Variants in RANGAP1 observed in about 807,000 individuals in gnomAD.
The protein encoded by RANGAP1 is ran GTPase-activating protein 1.
RANGAP1 carries 38 observed loss-of-function variants against 63.5 expected under a neutral mutation model. The ratio of observed to expected loss-of-function variants is 0.60; its 90% CI spans 0.46 to 0.78. RANGAP1 has a LOEUF of 0.78. Among genes scored for constraint, RANGAP1 ranks in the 30% least tolerant of loss-of-function variants. The pLI, the probability that RANGAP1 is intolerant of heterozygous loss-of-function variation, is 0.00. For missense variants in RANGAP1, 630 were observed against 740.3 expected (o/e 0.85, Z 1.73); for synonymous variants, 329 against 310.5 (o/e 1.06, Z -0.63).
At chr22:41,268,038 C>T in intron 4 of RANGAP1, 59 bp downstream of exon 4, 2 of 1,435,944 alleles carry the variant, frequency 1.4e-6, no homozygotes, top group Non-Finnish European at 1.9e-6. Context: ...TGAGAAAAGC[C>T]CTGGGAATTG....
At chr22:41,283,137 A>C (rs763744979) in intron 1 of RANGAP1, among the ~76,000 whole-genome samples, 1 of 151,046 alleles carries the variant, frequency 6.6e-6, no homozygotes, top group Non-Finnish European at 1.5e-5. Context: ...GCAGTATAGC[A>C]GTAAAGGAAG....
At chr22:41,277,435 C>G in intron 2 of RANGAP1, 1 of 1,182,202 alleles carries the variant, frequency 8.5e-7, no homozygotes. Flanking sequence ...CTATAATAAA[C>G]CTGCATTAAT....
At chr22:41,275,818 C>A (rs2035108520) in intron 2 of RANGAP1, among the ~76,000 whole-genome samples, 1 of 150,756 alleles carries the variant, frequency 6.6e-6, no homozygotes, top group African/African-American at 2.4e-5. Flanking sequence ...TGGTGGCGTG[C>A]ACCTGTAGTC....
At chr22:41,256,912 C>T in intron 7 of RANGAP1, 88 bp from the exon 8 acceptor site, 1 of 915,036 alleles carries the variant, frequency 1.1e-6, no homozygotes, top group African/African-American at 1.6e-5. Context: ...CGGTCACATC[C>T]CAAGCCAGCC....
upstream of RANGAP1, among the ~76,000 whole-genome samples, chr22:41,286,582 G>A (rs527681282): frequency 6.6e-6 from 1 of 152,338 alleles, no homozygotes; most frequent in African/African-American, 2.4e-5. Flanking sequence ...TGGGTCTCTT[G>A]GGCAAGACAC....
chr22:41,291,338 C>G, the RANGAP1 span, among the ~76,000 whole-genome samples: 2 of 152,178 alleles, frequency 1.3e-5, no homozygotes, highest in Non-Finnish European at 2.9e-5. Flanking sequence ...TGGCTCCCGC[C>G]TGTAATCCCA....
upstream of RANGAP1, among the ~76,000 whole-genome samples, chr22:41,287,720 C>T (rs1321409170): frequency 1.3e-5 from 2 of 151,430 alleles, no homozygotes; most frequent in Non-Finnish European, 2.9e-5. Flanking sequence ...GGCGCAGTGG[C>T]TCACACCTGT....
chr22:41,267,897 C>A (rs2034575592), intron 4 of RANGAP1, among the ~76,000 whole-genome samples, 200 bp downstream of exon 4: 2 of 152,170 alleles, frequency 1.3e-5, no homozygotes, highest in African/African-American at 4.8e-5. Context: ...AGGGTTCCTC[C>A]CCTGTCAGTC....
chr22:41,296,466 G>A, the RANGAP1 span, among the ~76,000 whole-genome samples: 3 of 152,060 alleles, frequency 2.0e-5, no homozygotes, highest in Non-Finnish European at 4.4e-5. Flanking sequence ...GGCCAACATG[G>A]TGAAACCCCA....
intron 15 of RANGAP1, among the ~76,000 whole-genome samples, chr22:41,247,605 G>A (rs2033135296): frequency 6.6e-6 from 1 of 152,238 alleles, no homozygotes; most frequent in South Asian, 2.1e-4. Flanking sequence ...AGTTGCCTCA[G>A]CTTCCCAAAG....
chr22:41,289,199 C>T (rs2035808152), upstream of RANGAP1, among the ~76,000 whole-genome samples: 1 of 151,878 alleles, frequency 6.6e-6, no homozygotes, highest in South Asian at 2.1e-4. Flanking sequence ...GAGTACAGTA[C>T]AGGCGTGAGC....
chr22:41,247,504 A>G (rs907450852), intron 15 of RANGAP1, among the ~76,000 whole-genome samples: 2 of 151,988 alleles, frequency 1.3e-5, no homozygotes, highest in African/African-American at 4.8e-5. Flanking sequence ...GGTACACACC[A>G]CCACACCCGG....
intron 10 of RANGAP1, among the ~76,000 whole-genome samples, chr22:41,255,740 A>G (rs527793721): frequency 4.7e-4 from 71 of 151,992 alleles, no homozygotes; most frequent in Non-Finnish European, 9.0e-4. Flanking sequence ...TGCCTAGTGT[A>G]TGACCTAGTA....
intron 15 of RANGAP1, 27 bp from the exon 16 acceptor site, chr22:41,246,699 C>T (rs747835454): frequency 2.6e-6 from 4 of 1,523,162 alleles, no homozygotes; most frequent in East Asian, 2.4e-5. Context: ...GTCAGCAGGT[C>T]GGTGGATGCC....
chr22:41,266,355 G>A (rs1305283044), intron 4 of RANGAP1, among the ~76,000 whole-genome samples: 1 of 152,138 alleles, frequency 6.6e-6, no homozygotes, highest in African/African-American at 2.4e-5. Flanking sequence ...GGAACATAGA[G>A]ATAAGAATAC....
In RANGAP1 at chr22:41,264,792, C is replaced by G; in HGVS notation, c.352G>C (p.Asp118His). 6.2e-7 allele frequency: 1 copy of G among 1,613,682 alleles called. No individual in the cohort carries two copies. Among genetic ancestry groups the G allele is most frequent in the South Asian group, 1.1e-5 (1 of 91,084 alleles). ...ITAGAQLVEL[D>H]LSDNAFGPDG... ...GGCCCGAATGCGTTGTCGCTTAAGT[C>G]CAGCTCCACCAGCTGAGCCCCAGCT... Residue 118 changes from aspartate (D) to histidine (H), a missense_variant, in exon 5 of 16, where the codon GAC becomes CAC. By Grantham distance (81) the Asp-to-His change is moderately conservative (BLOSUM62 -1). Transcript: ENST00000356244.
upstream of RANGAP1, among the ~76,000 whole-genome samples, chr22:41,290,158 AAG>A (rs1217806089): frequency 3.0e-4 from 41 of 138,690 alleles, 1 homozygote; most frequent in Admixed American, 4.4e-4. Flanking sequence ...AAAAAAAAAA[AAG>A]AGAGAGAGAG....
At chr22:41,291,691 G>A in the RANGAP1 span, among the ~76,000 whole-genome samples, 230 of 151,474 alleles carry the variant, frequency 1.5e-3, no homozygotes, top group African/African-American at 5.3e-3. Flanking sequence ...GAGGTCAGGA[G>A]ATCGAGACCA....
At chr22:41,291,596 T>TAA in the RANGAP1 span, among the ~76,000 whole-genome samples, 5,016 of 106,048 alleles carry the variant, frequency 0.047, 289 homozygotes, top group Admixed American at 0.1. Context: ...AGATCCATCT[T>TAA]AAAAAAAAAA....
Sources: allele counts gnomAD v4.1 joint callset (sites outside exome capture counted in the v4.1 genomes callset), GRCh38; gene constraint gnomAD v4.1.1; transcripts MANE v1.5; gene names NCBI Gene and HGNC (gene_info 2026-07-23, HGNC 2026-07-21).